The following RTN4IP1 variants were observed in gnomAD, a reference collection of about 807,000 sequenced individuals.
RTN4IP1 encodes reticulon 4 interacting protein 1.
Under a neutral mutation model 46.6 loss-of-function variants are expected in RTN4IP1, and 32 were observed. The observed-to-expected ratio is 0.69, with a 90% confidence interval of 0.52 to 0.92. The LOEUF (loss-of-function observed/expected upper bound fraction) is 0.92. RTN4IP1 is among the 40% of genes least tolerant of loss of function. The pLI, the probability that RTN4IP1 is intolerant of heterozygous loss-of-function variation, is 0.00. For synonymous variants in RTN4IP1, 167 were observed against 161.8 expected (o/e 1.03, Z -0.24); for missense variants, 424 against 485.8 (o/e 0.87, Z 1.20).
At chr6:106,593,049 T>C (rs1047884055) in intron 5 of RTN4IP1, among the ~76,000 whole-genome samples, 5 of 152,144 alleles carry the variant, frequency 3.3e-5, no homozygotes, top group African/African-American at 1.2e-4. Flanking sequence ...AAATGCCACA[T>C]ATCTTCATTT....
chr6:106,622,833 G>T lies in RTN4IP1; in HGVS notation c.411C>A (p.Phe137Leu), dbSNP rs750444355. Residue 137 changes from phenylalanine to leucine, a missense_variant, in exon 2 of 9, where the codon TTC becomes TTA. Transcript: ENST00000369063. ...VMECGLDVKY[F>L]KPGDEVWAAV... ...CCTAACTCACCTCATCTCCAGGCTTGAAGTATTTCACATCAAGCCCACATT... is the reference window on the plus strand; with the variant it reads ...CCTAACTCACCTCATCTCCAGGCTTTAAGTATTTCACATCAAGCCCACATT... 1 of 1,613,348 alleles carries T rather than the reference G, an allele frequency of 6.2e-7. No homozygotes were observed. The highest frequency in any genetic ancestry group is 8.5e-7 in the Non-Finnish European group (1 of 1,179,660).
intron 4 of RTN4IP1, among the ~76,000 whole-genome samples, chr6:106,612,783 C>T (rs1291905156): frequency 2.6e-5 from 4 of 152,114 alleles, no homozygotes; most frequent in African/African-American, 9.7e-5. Flanking sequence ...GCACTCACCC[C>T]ATCATTCTCT....
At chr6:106,591,346 G>T (rs1443451614) in intron 6 of RTN4IP1, among the ~76,000 whole-genome samples, 1 of 152,132 alleles carries the variant, frequency 6.6e-6, no homozygotes, top group Non-Finnish European at 1.5e-5. Context: ...CTGCTGCTGG[G>T]TGCACCACCA....
At chr6:106,580,127 T>A (rs900633611) in intron 8 of RTN4IP1, among the ~76,000 whole-genome samples, 15 of 146,448 alleles carry the variant, frequency 1.0e-4, no homozygotes, top group African/African-American at 3.8e-4. Flanking sequence ...GGCAGGAGAA[T>A]GGTGTGAACC....
intron 5 of RTN4IP1, among the ~76,000 whole-genome samples, chr6:106,602,329 C>T (rs1176873476): frequency 6.6e-6 from 1 of 152,136 alleles, no homozygotes; most frequent in Non-Finnish European, 1.5e-5. Flanking sequence ...CTATAAATCA[C>T]TTCAGGGGAG....
intron 8 of RTN4IP1, among the ~76,000 whole-genome samples, chr6:106,573,661 T>G (rs1775142637): frequency 6.6e-6 from 1 of 152,318 alleles, no homozygotes; most frequent in South Asian, 2.1e-4. Context: ...GGAACAGAGT[T>G]AAATAAGTTG....
chr6:106,597,862 C>T (rs895173769), intron 5 of RTN4IP1, among the ~76,000 whole-genome samples: 1 of 152,046 alleles, frequency 6.6e-6, no homozygotes, highest in Non-Finnish European at 1.5e-5. Context: ...CACCCCACCA[C>T]AGTCCCCAGA....
Position 106,621,508 on chromosome 6 carries a change from G to C in RTN4IP1, c.427-15C>G, listed in dbSNP as rs1776486636. Reference sequence around the variant, plus strand: ...GCAGCCCAGACCTGAAACACACACAGACAGACAGCTTCATTAGAAACACAG... The same window carrying C: ...GCAGCCCAGACCTGAAACACACACACACAGACAGCTTCATTAGAAACACAG... On this transcript the variant is annotated splice_polypyrimidine_tract_variant and intron_variant, in intron 2 of 8. Coordinates refer to ENST00000369063, the MANE Select transcript of RTN4IP1 (RefSeq NM_032730.5). 6.2e-7 allele frequency: 1 copy of C among 1,609,022 alleles called. No individual in the cohort carries two copies. Among genetic ancestry groups the C allele is most frequent in the Non-Finnish European group, 8.5e-7 (1 of 1,175,582 alleles).
intron 4 of RTN4IP1, among the ~76,000 whole-genome samples, chr6:106,612,070 T>C (rs1322640396): frequency 6.6e-6 from 1 of 152,030 alleles, no homozygotes; most frequent in Non-Finnish European, 1.5e-5. Flanking sequence ...TTCAATCTTA[T>C]ACAGAAGCAG....
intron 4 of RTN4IP1, among the ~76,000 whole-genome samples, chr6:106,610,306 C>T (rs752300333): frequency 4.6e-5 from 7 of 152,128 alleles, no homozygotes; most frequent in South Asian, 4.1e-4. Flanking sequence ...TCAGGCAATC[C>T]GCCCACCTCA....
intron 5 of RTN4IP1, among the ~76,000 whole-genome samples, chr6:106,602,309 T>C (rs1013126385): frequency 6.6e-6 from 1 of 152,328 alleles, no homozygotes; most frequent in Admixed American, 6.5e-5. Flanking sequence ...TGATAGGGAT[T>C]GTACTGAATC....
intron 8 of RTN4IP1, among the ~76,000 whole-genome samples, chr6:106,582,567 C>A (rs760417998): frequency 6.6e-6 from 1 of 152,072 alleles, no homozygotes; most frequent in African/African-American, 2.4e-5. Context: ...CTCACACAAC[C>A]CTCTAAAAGT....
rs757856259 is a variant in RTN4IP1, at chr6:106,602,918, G to C, written c.625C>G (p.Leu209Val). The C allele has an allele frequency of 6.2e-7, 1 of 1,601,346 alleles. No individual in the cohort carries two copies. The highest frequency in any genetic ancestry group is 8.5e-7 in the Non-Finnish European group (1 of 1,174,710). Residue 209 changes from leucine to valine, a missense_variant, in exon 5 of 9, where the codon CTA becomes GTA. Physicochemically the swap from Leu to Val is conservative, Grantham distance 32. Coordinates refer to ENST00000369063, the MANE Select transcript of RTN4IP1 (RefSeq NM_032730.5). ...NDKNCTGKRV[L>V]ILGASGGVGT... ...ACTCCGCCTGAAGCGCCTAAGATTAGAACACTGAAATGCAAAGGAAACCAC... is the reference window on the plus strand; with the variant it reads ...ACTCCGCCTGAAGCGCCTAAGATTACAACACTGAAATGCAAAGGAAACCAC...
At position 106,624,296 on chromosome 6, in the gene RTN4IP1, C is replaced by T. The variant is rs567505015; in HGVS notation, c.275-1327G>A. Among the ~76,000 whole-genome samples the T allele has an allele frequency of 1.5e-4, 23 of 152,116 alleles. No homozygotes were observed. The South Asian group carries it at 4.2e-3, about 27-fold the overall frequency. On this transcript the variant is annotated intron_variant, in intron 1 of 8. Transcript: ENST00000369063. The stretch of plus-strand genomic sequence containing the variant: ...GTCTCAATCTCCCTACCTCGTGATC[C>T]GCCCGCCTCGGCCTCCCAAAGTGCT...
chr6:106,593,165 G>A (rs1011452681), intron 5 of RTN4IP1, among the ~76,000 whole-genome samples: 6 of 152,144 alleles, frequency 3.9e-5, no homozygotes, highest in African/African-American at 1.4e-4. Flanking sequence ...AAAAGAAGGG[G>A]AAGAAACTAT....
rs373047222 is a variant in RTN4IP1, at chr6:106,612,447, GAGA to G, written c.620+6752_620+6754del. Among the ~76,000 whole-genome samples, 418 of 142,622 alleles carry G rather than the reference GAGA, an allele frequency of 2.9e-3. 3 individuals are homozygous for G. Among genetic ancestry groups the G allele is most frequent in the African/African-American group, 0.011 (406 of 37,952 alleles). 93.6% of individuals were successfully genotyped at this position (142,622 alleles called of 152,430 possible). ...GGGTGACAATAGGGCATAAGACAGA[GAGA>G]AGTAGTGAGGTCAGAGGATTTACCA... is the stretch of plus-strand genomic sequence containing the variant. On this transcript the variant is annotated intron_variant, in intron 4 of 8. Transcript: ENST00000369063.
chr6:106,582,588 A>C (rs189202288), intron 8 of RTN4IP1, among the ~76,000 whole-genome samples: 3 of 152,272 alleles, frequency 2.0e-5, no homozygotes, highest in Non-Finnish European at 4.4e-5. Context: ...TCTCCATCCT[A>C]TAAGTCCATA....
rs572891252 is a variant in RTN4IP1, at chr6:106,590,889, A to C, written c.806+1275T>G. 1.8e-4 allele frequency among the ~76,000 whole-genome samples: 28 copies of C among 152,254 alleles called. 1 individual carries two copies. The South Asian group carries it at 5.8e-3, about 32-fold the overall frequency. ...CTGAAAGGGACAATGTTAGTCCTTA[A>C]ACATGCCAGGCATGTTCCGGACATG... On this transcript the variant is annotated intron_variant, in intron 6 of 8. Coordinates refer to ENST00000369063, the MANE Select transcript of RTN4IP1 (RefSeq NM_032730.5).
At chr6:106,611,038 A>G (rs1486120483) in intron 4 of RTN4IP1, among the ~76,000 whole-genome samples, 1 of 151,126 alleles carries the variant, frequency 6.6e-6, no homozygotes, top group Non-Finnish European at 1.5e-5. Context: ...CAACCCCCTT[A>G]GCTGCCTTAC....
Sources: gnomAD v4.1 joint callset for allele counts (sites outside exome capture counted in the v4.1 genomes callset) on GRCh38, gnomAD v4.1.1 for gene constraint, MANE v1.5 for transcripts, NCBI Gene and HGNC (gene_info 2026-07-23, HGNC 2026-07-21) for gene names.